Variants in SLC1A4 observed in about 807,000 individuals in gnomAD.
SLC1A4 encodes neutral amino acid transporter A.
Under a neutral mutation model 37.7 loss-of-function variants are expected in SLC1A4, and 19 were observed. The observed-to-expected ratio is 0.50, with a 90% CI of 0.35 to 0.74. The LOEUF is 0.74. SLC1A4 is among the 30% of genes least tolerant of loss of function. The pLI is 0.01. For missense variants in SLC1A4, 570 were observed against 712.9 expected, an observed-to-expected ratio of 0.80 and a Z score of 2.28; for synonymous variants, 299 against 309.8, an observed-to-expected ratio of 0.97 and a Z score of 0.37.
intron 3 of SLC1A4, 77 bp from the exon 4 acceptor site, chr2:65,010,520 G>A (rs1673875136): frequency 8.0e-7 from 1 of 1,251,064 alleles, no homozygotes; most frequent in Non-Finnish European, 1.1e-6. Context: ...TTTCAGTCTG[G>A]TGGGGACACC....
At chr2:64,991,820 C>A (rs981601464) in intron 1 of SLC1A4, among the ~76,000 whole-genome samples, 3 of 152,144 alleles carry the variant, frequency 2.0e-5, no homozygotes, top group African/African-American at 7.2e-5. Context: ...CCAGGATGGT[C>A]TTGATCTCCT....
chr2:65,005,957 C>T (rs924779305), intron 3 of SLC1A4, among the ~76,000 whole-genome samples: 4 of 152,032 alleles, frequency 2.6e-5, no homozygotes, highest in Admixed American at 1.3e-4. Flanking sequence ...GAGTCATGAT[C>T]GTGCCACTGC....
intron 3 of SLC1A4, among the ~76,000 whole-genome samples, chr2:65,009,965 T>C (rs1395339121): frequency 6.6e-6 from 1 of 151,536 alleles, no homozygotes; most frequent in Admixed American, 6.6e-5. Context: ...GGAGTCTCGC[T>C]CTGTCGCCCA....
intron 3 of SLC1A4, among the ~76,000 whole-genome samples, chr2:65,007,901 T>C (rs900800396): frequency 2.0e-5 from 3 of 152,244 alleles, no homozygotes; most frequent in Admixed American, 1.3e-4. Flanking sequence ...GTCACCCTAC[T>C]GAACTATCAA....
rs574844023 is a variant in SLC1A4, at chr2:65,022,104, G to A, written c.*958G>A. The A allele has an allele frequency of 3.9e-5, 6 of 152,342 alleles. No homozygotes were observed. The South Asian group carries it at 1.2e-3, about 32-fold the overall frequency. The allele number at this position is 152,342 out of a possible 1,614,324, so 9.4% of individuals were successfully genotyped here. A position where few individuals can be genotyped will look rare whatever the true frequency, so the allele number is the denominator to read the frequency against. The stretch of plus-strand genomic sequence containing the variant: ...TATCATCTATTATTTGAATTCAACT[G>A]GACACTCTGTAAAATGCTGCACTGC... On this transcript the variant is annotated 3_prime_UTR_variant, in exon 8 of 8. Transcript: ENST00000234256.
chr2:65,010,172 TCCACTCG>T (rs754758932), intron 3 of SLC1A4, among the ~76,000 whole-genome samples: 1 of 152,218 alleles, frequency 6.6e-6, no homozygotes, highest in Non-Finnish European at 1.5e-5. Flanking sequence ...CTTCAGGTGA[TCCACTCG>T]CCTTGGCCTC....
chr2:64,996,865 G>A (rs1025191192), intron 1 of SLC1A4, among the ~76,000 whole-genome samples: 1 of 152,188 alleles, frequency 6.6e-6, no homozygotes, highest in Non-Finnish European at 1.5e-5. Context: ...AAGCTACTGT[G>A]TGAACATGAG....
intron 1 of SLC1A4, among the ~76,000 whole-genome samples, chr2:64,991,912 T>C (rs1049720348): frequency 6.6e-6 from 1 of 152,124 alleles, no homozygotes; most frequent in Admixed American, 6.5e-5. Flanking sequence ...CAGCTAACTG[T>C]TTTAAATTTT....
intron 3 of SLC1A4, among the ~76,000 whole-genome samples, chr2:65,007,268 GT>G (rs761876990): frequency 7.4e-5 from 9 of 122,276 alleles, no homozygotes; most frequent in South Asian, 2.6e-4. Context: ...GGAAGAGTGT[GT>G]TTGTGTGTGT....
At chr2:65,004,411 G>A (rs897123090) in intron 3 of SLC1A4, among the ~76,000 whole-genome samples, 40 of 150,926 alleles carry the variant, frequency 2.7e-4, no homozygotes, top group African/African-American at 9.3e-4. Context: ...CACCATGCTC[G>A]GCTAATATTT....
chr2:64,994,138 A>G (rs368215185), intron 1 of SLC1A4, among the ~76,000 whole-genome samples: 4 of 152,386 alleles, frequency 2.6e-5, no homozygotes, highest in South Asian at 2.1e-4. Context: ...GAGTCACACT[A>G]TGGAAAATTT....
At chr2:65,002,567 A>ATTT (rs1324825931) in intron 2 of SLC1A4, among the ~76,000 whole-genome samples, 2 of 115,520 alleles carry the variant, frequency 1.7e-5, no homozygotes, top group Non-Finnish European at 3.4e-5. Context: ...TCCTGTGACC[A>ATTT]TTCTTTTTTT....
intron 2 of SLC1A4, among the ~76,000 whole-genome samples, chr2:65,003,044 A>G (rs750019516): frequency 2.6e-5 from 4 of 152,080 alleles, no homozygotes; most frequent in Non-Finnish European, 5.9e-5. Flanking sequence ...TTGTATATAT[A>G]ATGTGAGGTA....
At position 65,003,956 on chromosome 2, in the gene SLC1A4, G is replaced by A; in HGVS notation, c.574G>A (p.Ala192Thr). The change falls in exon 3 of 8, where the codon GCA (alanine) becomes ACA (threonine). Residue 192 changes from alanine (A) to threonine (T), a missense_variant. Transcript: ENST00000234256. ...TTTTTTTTCCTCTTGATCACAGTAT[G>A]CAACCGATTATAAAGTCGTGACCCA... ...NLVVAAFRTY[A>T]TDYKVVTQNS... 1 of 1,613,696 alleles carries A rather than the reference G, an allele frequency of 6.2e-7. No homozygotes were observed. The highest frequency in any genetic ancestry group is 8.5e-7 in the Non-Finnish European group (1 of 1,179,674).
chr2:65,009,019 A>G (rs1189907052), intron 3 of SLC1A4, among the ~76,000 whole-genome samples: 1 of 152,242 alleles, frequency 6.6e-6, no homozygotes, highest in Admixed American at 6.5e-5. Context: ...ATCTATCAAC[A>G]TAAACAAAAG....
chr2:65,020,433 ATTTG>A (rs1266398492), intron 7 of SLC1A4, among the ~76,000 whole-genome samples: 1 of 152,074 alleles, frequency 6.6e-6, no homozygotes, highest in Admixed American at 6.5e-5. Context: ...TGCCCAGCTA[ATTTG>A]TTTATTTTTT....
At chr2:65,017,561 C>T (rs1674199888) in intron 5 of SLC1A4, among the ~76,000 whole-genome samples, 1 of 151,932 alleles carries the variant, frequency 6.6e-6, no homozygotes, top group African/African-American at 2.4e-5. Flanking sequence ...TTCTCAGCTG[C>T]ACCAACTAAC....
intron 4 of SLC1A4, among the ~76,000 whole-genome samples, chr2:65,013,062 C>T (rs1403167599): frequency 1.3e-5 from 2 of 151,944 alleles, no homozygotes; most frequent in African/African-American, 4.8e-5. Flanking sequence ...ACAAGCATGG[C>T]AGAAGGTGAA....
intron 3 of SLC1A4, among the ~76,000 whole-genome samples, chr2:65,007,311 T>C (rs78170603): frequency 0.092 from 14,009 of 152,096 alleles, 946 homozygotes; most frequent in South Asian, 0.2. Flanking sequence ...GGTACTATTT[T>C]AGCAGGGTGG....
Sources: allele counts gnomAD v4.1 joint callset (sites outside exome capture counted in the v4.1 genomes callset), GRCh38; gene constraint gnomAD v4.1.1; transcripts MANE v1.5; gene names NCBI Gene and HGNC (gene_info 2026-07-23, HGNC 2026-07-21).